Variants in TFB1M observed in about 807,000 individuals in gnomAD.
The protein encoded by TFB1M is transcription factor B1, mitochondrial, also known as dimethyladenosine transferase 1, mitochondrial.
In TFB1M, 27 loss-of-function variants were observed where a neutral mutation model predicts 31.1. The ratio of observed to expected loss-of-function variants is 0.87; its 90% CI spans 0.64 to 1.20. The LOEUF (loss-of-function observed/expected upper bound fraction) is 1.20, where lower values mean the gene tolerates loss of function less well. TFB1M is among the 50% of genes most tolerant of loss of function. TFB1M has a pLI of 0.00. For synonymous variants in TFB1M, 166 were observed against 151.8 expected, an observed-to-expected ratio of 1.09 and a Z score of -0.69; for missense variants, 394 against 418.7, an observed-to-expected ratio of 0.94 and a Z score of 0.51.
intron 2 of TFB1M, among the ~76,000 whole-genome samples, chr6:155,306,210 C>G (rs755828157): frequency 4.6e-5 from 7 of 152,066 alleles, no homozygotes; most frequent in Non-Finnish European, 1.0e-4. Context: ...CAAGTCTGAG[C>G]AAGCATGTGG....
intron 6 of TFB1M, 101 bp downstream of exon 6, chr6:155,260,172 A>G (rs745828200): frequency 1.5e-5 from 19 of 1,306,152 alleles, no homozygotes; most frequent in Non-Finnish European, 2.1e-5. Flanking sequence ...TAAGTGTAAT[A>G]CTCAGAGCTT....
At chr6:155,296,887 C>T in intron 4 of TFB1M, 66 bp downstream of exon 4, 1 of 1,392,574 alleles carries the variant, frequency 7.2e-7, no homozygotes, top group African/African-American at 1.4e-5. Context: ...GGTAAAAATG[C>T]AGTATTATTA....
At chr6:155,234,554 C>T in the TFB1M span, among the ~76,000 whole-genome samples, 1 of 152,362 alleles carries the variant, frequency 6.6e-6, no homozygotes. Context: ...AGGCGTGTGC[C>T]ACCATGGCCG....
At chr6:155,290,716 C>A (rs879176151) in intron 4 of TFB1M, among the ~76,000 whole-genome samples, 1 of 152,110 alleles carries the variant, frequency 6.6e-6, no homozygotes, top group African/African-American at 2.4e-5. Flanking sequence ...TGTTTCCCCC[C>A]ACACAAATAG....
chr6:155,310,988 C>A (rs1777991400), intron 2 of TFB1M, 200 bp downstream of exon 2: 4 of 614,974 alleles, frequency 6.5e-6, no homozygotes, highest in African/African-American at 5.6e-5. Flanking sequence ...AGTCAATAGA[C>A]CCTCTGAGAG....
intron 4 of TFB1M, among the ~76,000 whole-genome samples, chr6:155,294,876 C>T (rs906770639): frequency 6.6e-6 from 1 of 152,062 alleles, no homozygotes; most frequent in Non-Finnish European, 1.5e-5. Context: ...AAAAACAGAA[C>T]GATGAAACTA....
intron 5 of TFB1M, among the ~76,000 whole-genome samples, chr6:155,270,854 A>C (rs1428091820): frequency 6.6e-6 from 1 of 152,214 alleles, no homozygotes; most frequent in Admixed American, 6.5e-5. Context: ...TAGTGTCTGC[A>C]ATTCAACTCA....
intron 5 of TFB1M, chr6:155,275,609 TCC>T: frequency 8.6e-7 from 1 of 1,157,182 alleles, no homozygotes; most frequent in Admixed American, 2.3e-5. Context: ...TTGCCTTTTT[TCC>T]TTAGGCTTTG....
At chr6:155,250,180 G>A in the TFB1M span, among the ~76,000 whole-genome samples, 9 of 152,024 alleles carry the variant, frequency 5.9e-5, no homozygotes, top group Non-Finnish European at 1.2e-4. Flanking sequence ...CTTATGTCAC[G>A]TTCACATTGT....
At position 155,256,486 on chromosome 6, in the gene TFB1M, T is replaced by C; in HGVS notation, c.*1350A>G. ...GAAATGTGTTTTTCTCACTGTAGCT[T>C]CATCCAGGTCTTTAAAAGTCCTGAA... is the stretch of plus-strand genomic sequence containing the variant. On this transcript the variant is annotated 3_prime_UTR_variant, in exon 7 of 7. Transcript: ENST00000367166. The C allele has an allele frequency of 1.2e-6, 2 of 1,614,170 alleles. No homozygotes were observed. Among genetic ancestry groups the C allele is most frequent in the East Asian group, 4.5e-5 (2 of 44,880 alleles).
the TFB1M span, chr6:155,240,695 A>G: frequency 6.2e-7 from 1 of 1,612,316 alleles, no homozygotes; most frequent in South Asian, 1.1e-5. Flanking sequence ...GGACACAGAG[A>G]AGTCCTACGT....
In TFB1M at chr6:155,258,513, TAA is replaced by T. The variant is rs568213387; in HGVS notation, c.795-433_795-432del. On this transcript the variant is annotated intron_variant, in intron 6 of 6. Transcript: ENST00000367166. ...TATCAGCCTTTAGAACTCTTCACGC[TAA>T]AAGAGTTACTTTTTTTTGCTAAAAG... Among the ~76,000 whole-genome samples the T allele has an allele frequency of 4.1e-4, 62 of 149,460 alleles. 1 individual carries two copies. Among genetic ancestry groups the T allele is most frequent in the African/African-American group, 1.4e-3 (56 of 40,264 alleles).
intron 4 of TFB1M, among the ~76,000 whole-genome samples, chr6:155,286,411 T>C (rs1269650851): frequency 1.3e-5 from 2 of 151,432 alleles, no homozygotes; most frequent in Non-Finnish European, 2.9e-5. Context: ...TATACATCTT[T>C]CTAAAATATA....
intron 5 of TFB1M, among the ~76,000 whole-genome samples, chr6:155,267,100 G>T (rs1010859112): frequency 1.1e-4 from 16 of 151,260 alleles, no homozygotes; most frequent in African/African-American, 3.9e-4. Flanking sequence ...TCAGCCTCCT[G>T]AGTAGCTGGA....
chr6:155,289,115 T>C (rs76738299), intron 4 of TFB1M, among the ~76,000 whole-genome samples: 1 of 152,072 alleles, frequency 6.6e-6, no homozygotes, highest in African/African-American at 2.4e-5. Context: ...GGAGAAAAAT[T>C]AGGCTTACAC....
chr6:155,250,646 C>CT, the TFB1M span: 2 of 1,533,268 alleles, frequency 1.3e-6, no homozygotes, highest in Non-Finnish European at 1.7e-6. Flanking sequence ...CTTATGGAAA[C>CT]TGAGTTGGTC....
the TFB1M span, chr6:155,240,454 C>G: frequency 6.8e-7 from 1 of 1,477,668 alleles, no homozygotes; most frequent in South Asian, 1.3e-5. Flanking sequence ...GACGGAGACA[C>G]TTGGTGCCCT....
chr6:155,250,926 C>G, the TFB1M span: 1 of 1,614,136 alleles, frequency 6.2e-7, no homozygotes, highest in Non-Finnish European at 8.5e-7. Context: ...ACAGAACTTT[C>G]GATGGGAGAG....
At chr6:155,276,149 AT>A (rs749723059) in intron 5 of TFB1M, 3 of 1,614,228 alleles carry the variant, frequency 1.9e-6, no homozygotes, top group African/African-American at 1.3e-5. Flanking sequence ...AAAGGAGATC[AT>A]AGCAAACTTT....
Sources: gnomAD v4.1 joint callset for allele counts (sites outside exome capture counted in the v4.1 genomes callset) on GRCh38, gnomAD v4.1.1 for gene constraint, MANE v1.5 for transcripts, NCBI Gene and HGNC (gene_info 2026-07-23, HGNC 2026-07-21) for gene names.